The following PRKCB variants were observed in gnomAD, a reference collection of about 807,000 sequenced individuals.
PRKCB encodes the protein protein kinase C beta, also known as protein kinase C beta type.
A neutral mutation model predicts 81.5 loss-of-function variants in PRKCB; 13 were observed. The observed-to-expected ratio is 0.16, with a 90% CI of 0.10 to 0.25. The LOEUF (loss-of-function observed/expected upper bound fraction) is 0.25. Among genes scored for constraint, PRKCB ranks in the 10% least tolerant of loss-of-function variants. PRKCB has a pLI of 1.00. For missense variants in PRKCB, 509 were observed against 875.7 expected, an observed-to-expected ratio of 0.58 and a Z score of 5.29; for synonymous variants, 335 against 321.4, an observed-to-expected ratio of 1.04 and a Z score of -0.45.
intron 2 of PRKCB, among the ~76,000 whole-genome samples, chr16:23,888,742 C>T (rs182319314): frequency 6.6e-6 from 1 of 152,130 alleles, no homozygotes; most frequent in South Asian, 2.1e-4. Context: ...AAGGAGTTAT[C>T]CCTTCCTCAT....
At chr16:23,843,759 C>A (rs1962309148) in intron 2 of PRKCB, among the ~76,000 whole-genome samples, 2 of 137,134 alleles carry the variant, frequency 1.5e-5, no homozygotes, top group Non-Finnish European at 3.0e-5. Flanking sequence ...TGCCCACAAC[C>A]AGATGCAGCA....
intron 5 of PRKCB, among the ~76,000 whole-genome samples, chr16:24,039,375 C>T (rs761301419): frequency 1.3e-5 from 2 of 151,814 alleles, no homozygotes; most frequent in African/African-American, 2.4e-5. Flanking sequence ...ATTACAGGCA[C>T]GTGCCACCAT....
chr16:24,006,729 C>T (rs1335757173), intron 3 of PRKCB, among the ~76,000 whole-genome samples: 1 of 152,076 alleles, frequency 6.6e-6, no homozygotes, highest in Non-Finnish European at 1.5e-5. Context: ...GCTCAAGTTG[C>T]CTAACAAACT....
At chr16:24,103,397 A>G (rs567615968) in intron 7 of PRKCB, among the ~76,000 whole-genome samples, 5 of 152,156 alleles carry the variant, frequency 3.3e-5, no homozygotes, top group South Asian at 2.1e-4. Flanking sequence ...GTTAGAGAAT[A>G]TGGCCTGTGC....
At chr16:23,878,758 CT>C (rs1754011869) in intron 2 of PRKCB, among the ~76,000 whole-genome samples, 1 of 152,182 alleles carries the variant, frequency 6.6e-6, no homozygotes, top group Admixed American at 6.5e-5. Context: ...ACTATAACCC[CT>C]GTTATTAGCT....
chr16:23,983,843 G>A (rs1964769044), intron 2 of PRKCB, among the ~76,000 whole-genome samples: 1 of 152,056 alleles, frequency 6.6e-6, no homozygotes, highest in African/African-American at 2.4e-5. Flanking sequence ...AGTCTCCTGG[G>A]TAGCTGGGAT....
chr16:24,179,090 T>A (rs1419196422), intron 12 of PRKCB, among the ~76,000 whole-genome samples: 1 of 152,200 alleles, frequency 6.6e-6, no homozygotes, highest in Non-Finnish European at 1.5e-5. Flanking sequence ...ACAACCCCAA[T>A]GTAAAATGCA....
At chr16:23,999,914 G>C (rs1455130059) in intron 3 of PRKCB, among the ~76,000 whole-genome samples, 2 of 152,114 alleles carry the variant, frequency 1.3e-5, no homozygotes, top group Non-Finnish European at 2.9e-5. Flanking sequence ...CCTTTCACAT[G>C]ACTGACGACG....
At chr16:24,100,514 CT>C (rs987317777) in intron 7 of PRKCB, among the ~76,000 whole-genome samples, 6 of 152,180 alleles carry the variant, frequency 3.9e-5, no homozygotes, top group African/African-American at 7.2e-5. Context: ...AGTCCTCCCC[CT>C]GAGGAGTCTT....
At chr16:24,133,612 A>G (rs1966856776) in intron 9 of PRKCB, among the ~76,000 whole-genome samples, 1 of 151,638 alleles carries the variant, frequency 6.6e-6, no homozygotes, top group Admixed American at 6.6e-5. Context: ...CTCCAATTCC[A>G]CTCACACCCT....
intron 7 of PRKCB, among the ~76,000 whole-genome samples, chr16:24,102,759 T>C (rs1319580649): frequency 6.6e-6 from 1 of 152,274 alleles, no homozygotes; most frequent in East Asian, 1.9e-4. Flanking sequence ...CTCTGGGATT[T>C]GTGTATCAAT....
chr16:24,218,238 G>T lies in PRKCB; in HGVS notation c.*3422G>T. On this transcript the variant is annotated 3_prime_UTR_variant, in exon 17 of 17. Coordinates refer to ENST00000643927, the MANE Select transcript of PRKCB (RefSeq NM_002738.7). Reference sequence around the variant, plus strand: ...CAAGATAATTAAAGGATGCTAAAGTGTGACTTGTGGGGATTGGGAGAGAGA... The same window carrying T: ...CAAGATAATTAAAGGATGCTAAAGTTTGACTTGTGGGGATTGGGAGAGAGA... 1.0e-6 allele frequency: 1 copy of T among 985,418 alleles called. No homozygotes were observed. Among genetic ancestry groups the T allele is most frequent in the Non-Finnish European group, 1.2e-6 (1 of 829,934 alleles). 61.0% of individuals were successfully genotyped at this position (985,418 alleles called of 1,614,324 possible). A position where few individuals can be genotyped will look rare whatever the true frequency, so the allele number is the denominator to read the frequency against.
chr16:24,169,408 AC>A (rs937606670), intron 10 of PRKCB, among the ~76,000 whole-genome samples: 6 of 151,944 alleles, frequency 3.9e-5, no homozygotes, highest in African/African-American at 1.5e-4. Flanking sequence ...GAGACCCCGA[AC>A]CTTTGTGTTA....
intron 2 of PRKCB, among the ~76,000 whole-genome samples, chr16:23,945,723 A>AAAAAAG (rs55928068): frequency 0.35 from 51,964 of 149,698 alleles, 9,324 homozygotes; most frequent in South Asian, 0.51. Context: ...GCTCTCTGGT[A>AAAAAAG]AAAAAGAAAA....
chr16:24,063,743 T>C (rs1470228386), intron 5 of PRKCB, among the ~76,000 whole-genome samples: 1 of 152,164 alleles, frequency 6.6e-6, no homozygotes, highest in Non-Finnish European at 1.5e-5. Flanking sequence ...GTTTGAGAAC[T>C]TGAGCACTAG....
At chr16:24,202,139 A>G (rs1263666965) in intron 16 of PRKCB, among the ~76,000 whole-genome samples, 1 of 152,108 alleles carries the variant, frequency 6.6e-6, no homozygotes, top group Non-Finnish European at 1.5e-5. Context: ...TTCTGACTCT[A>G]TCCTGGCCTT....
intron 2 of PRKCB, among the ~76,000 whole-genome samples, chr16:23,880,077 C>T (rs1275347328): frequency 6.6e-6 from 1 of 152,116 alleles, no homozygotes; most frequent in Non-Finnish European, 1.5e-5. Context: ...TATTATTTGT[C>T]CTTAGACTCA....
intron 2 of PRKCB, among the ~76,000 whole-genome samples, chr16:23,942,413 G>A (rs772189293): frequency 3.3e-5 from 5 of 152,240 alleles, no homozygotes; most frequent in African/African-American, 4.8e-5. Flanking sequence ...GCACAGTTAG[G>A]TTCTCACCAA....
At chr16:23,944,224 A>G (rs572441388) in intron 2 of PRKCB, among the ~76,000 whole-genome samples, 1 of 152,328 alleles carries the variant, frequency 6.6e-6, no homozygotes, top group Non-Finnish European at 1.5e-5. Context: ...CATATTGTGA[A>G]AAATTTATAA....
Sources: allele counts gnomAD v4.1 joint callset (sites outside exome capture counted in the v4.1 genomes callset), GRCh38; gene constraint gnomAD v4.1.1; transcripts MANE v1.5; gene names NCBI Gene and HGNC (gene_info 2026-07-23, HGNC 2026-07-21).